STPG4: variants seen among roughly 807,000 people sequenced by gnomAD.
STPG4 encodes the protein protein STPG4.
In STPG4, 41 loss-of-function variants were observed where a neutral mutation model predicts 31.5. The observed-to-expected ratio is 1.30, with a 90% confidence interval of 1.01 to 1.69. STPG4 has a LOEUF of 1.69. Among genes scored for constraint, STPG4 ranks in the 40% most tolerant of loss-of-function variants. The pLI is 0.00. For synonymous variants in STPG4, 141 were observed against 103.0 expected (o/e 1.37, Z -2.24); for missense variants, 375 against 293.4 (o/e 1.28, Z -2.03).
intron 1 of STPG4, among the ~76,000 whole-genome samples, chr2:47,153,811 G>C (rs775899130): frequency 6.6e-6 from 1 of 152,122 alleles, no homozygotes; most frequent in Non-Finnish European, 1.5e-5. Flanking sequence ...TACTTATAAA[G>C]ACTTGCATAT....
intron 5 of STPG4, among the ~76,000 whole-genome samples, chr2:47,095,713 T>A (rs1486856366): frequency 6.6e-6 from 1 of 152,180 alleles, no homozygotes; most frequent in African/African-American, 2.4e-5. Context: ...TCTCTTCATT[T>A]CTTAGTGTTA....
chr2:47,136,860 T>C (rs942548467), intron 3 of STPG4, among the ~76,000 whole-genome samples: 2 of 152,254 alleles, frequency 1.3e-5, no homozygotes, highest in African/African-American at 4.8e-5. Context: ...AAACTTGCTA[T>C]AATTTGTTAC....
At chr2:47,103,909 C>T (rs1022763402) in intron 5 of STPG4, among the ~76,000 whole-genome samples, 9 of 152,032 alleles carry the variant, frequency 5.9e-5, no homozygotes, top group South Asian at 2.1e-4. Context: ...CTGTCCTGGA[C>T]GACTATCCTC....
At chr2:47,142,104 C>T (rs1053264863) in intron 3 of STPG4, among the ~76,000 whole-genome samples, 1 of 151,552 alleles carries the variant, frequency 6.6e-6, no homozygotes, top group African/African-American at 2.4e-5. Context: ...CAGAGATATC[C>T]TCATCACAGC....
chr2:47,101,555 T>A (rs1057049638), intron 5 of STPG4, among the ~76,000 whole-genome samples: 1 of 151,846 alleles, frequency 6.6e-6, no homozygotes, highest in Non-Finnish European at 1.5e-5. Flanking sequence ...TCTCTGGTGC[T>A]TTTTTAGTTT....
intron 3 of STPG4, among the ~76,000 whole-genome samples, chr2:47,147,391 T>C (rs970290331): frequency 5.3e-5 from 8 of 152,238 alleles, no homozygotes; most frequent in African/African-American, 1.4e-4. Context: ...AACTATGGGA[T>C]TGGAGCTTTG....
chr2:47,105,679 G>A (rs994850150), intron 5 of STPG4, among the ~76,000 whole-genome samples: 1 of 152,064 alleles, frequency 6.6e-6, no homozygotes, highest in Non-Finnish European at 1.5e-5. Context: ...TTATGCCATA[G>A]TTAGTGATGT....
At chr2:47,109,480 C>G (rs1034619164) in intron 5 of STPG4, among the ~76,000 whole-genome samples, 2 of 151,044 alleles carry the variant, frequency 1.3e-5, no homozygotes, top group Non-Finnish European at 2.9e-5. Context: ...TCACTTGAAC[C>G]TGGGAAGCGG....
At chr2:47,090,239 T>TG (rs1272699227) in intron 6 of STPG4, 31 bp downstream of exon 6, 5 of 1,443,884 alleles carry the variant, frequency 3.5e-6, no homozygotes, top group Admixed American at 2.0e-5. Flanking sequence ...CCCCTAGGGG[T>TG]GGGGGGCGAT....
At chr2:47,112,245 C>T (rs1010767212) in intron 5 of STPG4, among the ~76,000 whole-genome samples, 2 of 152,198 alleles carry the variant, frequency 1.3e-5, no homozygotes, top group Non-Finnish European at 2.9e-5. Flanking sequence ...CCGCTCACTG[C>T]AAACTCTGCC....
At chr2:47,146,350 C>A (rs1157108114) in intron 3 of STPG4, among the ~76,000 whole-genome samples, 1 of 152,134 alleles carries the variant, frequency 6.6e-6, no homozygotes, top group East Asian at 1.9e-4. Context: ...CCGCCCCACC[C>A]AACCACAACA....
chr2:47,106,424 C>G (rs1245309816), intron 5 of STPG4, among the ~76,000 whole-genome samples: 1 of 151,952 alleles, frequency 6.6e-6, no homozygotes, highest in Admixed American at 6.6e-5. Context: ...GCTGCTGCTA[C>G]AGGAACCGGA....
rs529342980 is a variant in STPG4, at chr2:47,138,677, G to A, written c.400-8417C>T. ...AGATTCTCCTGTCTCAGCCTCCCAAGTAGCTGGGATTACAGGAACGTGCCA... is the reference window on the plus strand; with the variant it reads ...AGATTCTCCTGTCTCAGCCTCCCAAATAGCTGGGATTACAGGAACGTGCCA... On this transcript the variant is annotated intron_variant, in intron 3 of 6. Transcript: ENST00000445927. Among the ~76,000 whole-genome samples the A allele has an allele frequency of 3.9e-5, 6 of 152,266 alleles. No individual in the cohort carries two copies. The East Asian group carries it at 9.6e-4, about 24-fold the overall frequency.
chr2:47,140,149 T>C (rs1243408529), intron 3 of STPG4, among the ~76,000 whole-genome samples: 1 of 152,140 alleles, frequency 6.6e-6, no homozygotes, highest in African/African-American at 2.4e-5. Flanking sequence ...ATCTGTACTG[T>C]GAATTTCACA....
intron 6 of STPG4, among the ~76,000 whole-genome samples, chr2:47,089,674 T>C (rs565942176): frequency 1.2e-4 from 19 of 152,068 alleles, no homozygotes; most frequent in Non-Finnish European, 2.1e-4. Context: ...AAATCCACTG[T>C]TGGTAAACTT....
chr2:47,122,369 T>C (rs1244546960), intron 5 of STPG4, among the ~76,000 whole-genome samples: 1 of 152,184 alleles, frequency 6.6e-6, no homozygotes, highest in Non-Finnish European at 1.5e-5. Flanking sequence ...TTTATTTTCC[T>C]TTGAAATTTC....
At chr2:47,097,890 G>C (rs565326911) in intron 5 of STPG4, among the ~76,000 whole-genome samples, 3 of 150,020 alleles carry the variant, frequency 2.0e-5, no homozygotes, top group Admixed American at 2.0e-4. Flanking sequence ...GGCCCACGTG[G>C]GTAGATCTCT....
At chr2:47,155,029 A>G in intron 1 of STPG4, 142 bp downstream of exon 1, 2 of 687,844 alleles carry the variant, frequency 2.9e-6, no homozygotes, top group Admixed American at 4.9e-5. Context: ...GCAGGTGGAG[A>G]CGTGCGTGAG....
In STPG4 at chr2:47,147,956, CT is replaced by C. The variant is rs11417126; in HGVS notation, c.399+3301del. 7.5e-3 allele frequency among the ~76,000 whole-genome samples: 1,107 copies of C among 146,956 alleles called. 18 individuals are homozygous for C. The highest frequency in any genetic ancestry group is 0.025 in the African/African-American group (1,012 of 39,798). ...CATTCAAATATGTATATACATATTC[CT>C]TTTTTTTTTTTTGAGACCGGGTCTT... On this transcript the variant is annotated intron_variant, in intron 3 of 6. Coordinates refer to ENST00000445927, the MANE Select transcript of STPG4 (RefSeq NM_001163561.2).
Sources: allele counts gnomAD v4.1 joint callset (sites outside exome capture counted in the v4.1 genomes callset), GRCh38; gene constraint gnomAD v4.1.1; transcripts MANE v1.5; gene names NCBI Gene and HGNC (gene_info 2026-07-23, HGNC 2026-07-21).